The following CFH variants were observed in gnomAD, a reference collection of about 807,000 sequenced individuals.
CFH encodes H factor 1 (complement).
CFH carries 53 observed loss-of-function variants against 147.3 expected under a neutral mutation model. The ratio of observed to expected loss-of-function variants is 0.36; its 90% CI spans 0.29 to 0.45. The LOEUF (loss-of-function observed/expected upper bound fraction) is 0.45. Among genes scored for constraint, CFH ranks in the 20% least tolerant of loss-of-function variants. The pLI is 1.00. For synonymous variants in CFH, 536 were observed against 489.4 expected (o/e 1.10, Z -1.26); for missense variants, 1,380 against 1,498.0 (o/e 0.92, Z 1.30).
At chr1:196,704,012 GT>G (rs1367531079) in intron 9 of CFH, among the ~76,000 whole-genome samples, 2 of 144,684 alleles carry the variant, frequency 1.4e-5, no homozygotes, top group Non-Finnish European at 3.0e-5. Context: ...AAAAGACAGA[GT>G]TTTTCTATAC....
intron 1 of CFH, among the ~76,000 whole-genome samples, chr1:196,670,511 T>C (rs903135438): frequency 3.7e-4 from 56 of 152,194 alleles, no homozygotes; most frequent in African/African-American, 1.3e-3. Flanking sequence ...CTCATGAGGT[T>C]TGATGGTTTT....
At position 196,726,459 on chromosome 1, in the gene CFH, T is replaced by A. The variant is rs1669139250; in HGVS notation, c.1874-11T>A. 1 of 1,584,820 alleles carries A rather than the reference T, an allele frequency of 6.3e-7. No individual in the cohort carries two copies. Among genetic ancestry groups the A allele is most frequent in the Non-Finnish European group, 8.7e-7 (1 of 1,154,418 alleles). On this transcript the variant is annotated splice_polypyrimidine_tract_variant and intron_variant, in intron 12 of 21. Transcript: ENST00000367429. ...AATTTAACCATTATTTACATAGTAT[T>A]TCTACTATAGAGCAAGTACAATCAT...
At chr1:196,666,102 C>T (rs1019369044) in intron 1 of CFH, among the ~76,000 whole-genome samples, 1 of 152,180 alleles carries the variant, frequency 6.6e-6, no homozygotes, top group African/African-American at 2.4e-5. Flanking sequence ...AATATCTTAA[C>T]CCCCACCAGG....
At chr1:196,657,968 A>G (rs1013923466) in intron 1 of CFH, among the ~76,000 whole-genome samples, 2 of 152,160 alleles carry the variant, frequency 1.3e-5, no homozygotes, top group Admixed American at 6.5e-5. Flanking sequence ...TAAAAGATAT[A>G]TTGACATTGA....
chr1:196,670,307 T>C (rs566384810), intron 1 of CFH, among the ~76,000 whole-genome samples: 1 of 152,206 alleles, frequency 6.6e-6, no homozygotes, highest in Non-Finnish European at 1.5e-5. Context: ...CATGATTATG[T>C]TTTGAAATGT....
intron 9 of CFH, among the ~76,000 whole-genome samples, chr1:196,710,027 CACACACACAAACAT>C (rs1048665920): frequency 8.2e-6 from 1 of 121,834 alleles, no homozygotes; most frequent in African/African-American, 3.3e-5. Context: ...AAAACACACA[CACACACACAAACAT>C]ACACACACAG....
chr1:196,732,521 ATC>A (rs1451195047), intron 15 of CFH, among the ~76,000 whole-genome samples: 3 of 151,928 alleles, frequency 2.0e-5, no homozygotes, highest in Non-Finnish European at 2.9e-5. Context: ...GAGTTATGAT[ATC>A]TTGTTTCTTT....
chr1:196,742,237 A>G (rs1467413595), intron 19 of CFH, among the ~76,000 whole-genome samples, 186 bp downstream of exon 19: 1 of 152,072 alleles, frequency 6.6e-6, no homozygotes. Flanking sequence ...ATAGTGGGGC[A>G]TGGTGACATG....
intron 11 of CFH, among the ~76,000 whole-genome samples, chr1:196,723,334 G>A (rs933827380): frequency 6.6e-6 from 1 of 152,094 alleles, no homozygotes; most frequent in Non-Finnish European, 1.5e-5. Flanking sequence ...GACTCTGTTT[G>A]AGTACCTTGG....
At chr1:196,672,800 C>T (rs1667326702) in intron 1 of CFH, among the ~76,000 whole-genome samples, 178 bp from the exon 2 acceptor site, 1 of 151,900 alleles carries the variant, frequency 6.6e-6, no homozygotes, top group Admixed American at 6.6e-5. Flanking sequence ...TATAGTTACA[C>T]TACATGCATG....
chr1:196,724,141 T>C (rs1669070180), intron 11 of CFH, among the ~76,000 whole-genome samples: 1 of 152,024 alleles, frequency 6.6e-6, no homozygotes, highest in African/African-American at 2.4e-5. Context: ...TGTTCCTTTG[T>C]TGCACTTTCC....
intron 15 of CFH, among the ~76,000 whole-genome samples, chr1:196,729,600 G>A (rs1669234691): frequency 1.3e-5 from 2 of 151,808 alleles, no homozygotes; most frequent in Admixed American, 6.6e-5. Flanking sequence ...GTAATGTTGG[G>A]CCACTAGAAT....
chr1:196,652,364 T>A (rs1266590399), intron 1 of CFH, among the ~76,000 whole-genome samples, 189 bp downstream of exon 1: 1 of 152,010 alleles, frequency 6.6e-6, no homozygotes, highest in East Asian at 1.9e-4. Flanking sequence ...TATATCTAAA[T>A]ATTCATCATA....
At chr1:196,745,094 G>C (rs1368151379) in intron 20 of CFH, among the ~76,000 whole-genome samples, 1 of 151,934 alleles carries the variant, frequency 6.6e-6, no homozygotes, top group African/African-American at 2.4e-5. Flanking sequence ...TTGCTTTCAA[G>C]GTATTTTTTT....
In CFH at chr1:196,737,671, T is replaced by C; in HGVS notation, c.2782+11T>C. On this transcript the variant is annotated intron_variant, in intron 17 of 21. Transcript: ENST00000367429. Reference sequence around the variant, plus strand: ...CACCTCAGTGTGAAGGTTAGGCCAATATGAATACTCAATTTCTGTTTATAG... The same window carrying C: ...CACCTCAGTGTGAAGGTTAGGCCAACATGAATACTCAATTTCTGTTTATAG... 1 of 1,608,648 alleles carries C rather than the reference T, an allele frequency of 6.2e-7. No individual in the cohort carries two copies. The highest frequency in any genetic ancestry group is 8.5e-7 in the Non-Finnish European group (1 of 1,175,364).
In CFH at chr1:196,713,888, A is replaced by C. The variant is rs1280733073; in HGVS notation, c.1490A>C (p.Asp497Ala). 6.2e-7 allele frequency: 1 copy of C among 1,612,558 alleles called. No homozygotes were observed. The highest frequency in any genetic ancestry group is 8.5e-7 in the Non-Finnish European group (1 of 1,179,102). Residue 497 changes from aspartate (D) to alanine (A), a missense_variant, in exon 10 of 22, where the codon GAT (aspartate) becomes GCT (alanine). By Grantham distance (126) the Asp-to-Ala change is moderately radical. Around this residue, in one of 4 missense-constraint regions of CFH, gnomAD observed 830 missense variants for 821.4 expected, o/e 1.01. Coordinates refer to ENST00000367429, the MANE Select transcript of CFH (RefSeq NM_000186.4). ...ETSGSITCGK[D>A]GWSAQPTCIK... is the part of the protein sequence containing the mutation. ...TCAGGATCAATTACATGTGGGAAAGATGGATGGTCAGCTCAACCCACGTGC... is the reference window on the plus strand; with the variant it reads ...TCAGGATCAATTACATGTGGGAAAGCTGGATGGTCAGCTCAACCCACGTGC...
intron 11 of CFH, among the ~76,000 whole-genome samples, chr1:196,723,536 G>C (rs1182881394): frequency 6.6e-6 from 1 of 152,140 alleles, no homozygotes; most frequent in South Asian, 2.1e-4. Context: ...CAGGACAGTA[G>C]GTGGCACGGA....
chr1:196,673,243 C>T, intron 2 of CFH, 80 bp downstream of exon 2: 1 of 1,228,988 alleles, frequency 8.1e-7, no homozygotes, highest in Non-Finnish European at 1.2e-6. Context: ...GCAATTATGC[C>T]TGAATTATAT....
At chr1:196,702,810 AT>A (rs765091767) in intron 9 of CFH, among the ~76,000 whole-genome samples, 4 of 152,166 alleles carry the variant, frequency 2.6e-5, no homozygotes, top group Admixed American at 2.6e-4. Flanking sequence ...TCAAAACTGC[AT>A]TTTGATCAGC....
Sources: gnomAD v4.1 joint callset for allele counts (sites outside exome capture counted in the v4.1 genomes callset) on GRCh38, gnomAD v4.1.1 for gene constraint, gnomAD v4.1.1 regional missense constraint, MANE v1.5 for transcripts, NCBI Gene and HGNC (gene_info 2026-07-23, HGNC 2026-07-21) for gene names.